The following RBFOX1 variants were observed in gnomAD, a reference collection of about 807,000 sequenced individuals.
The protein encoded by RBFOX1 is RNA binding protein fox-1 homolog 1.
RBFOX1 carries 8 observed loss-of-function variants against 57.7 expected under a neutral mutation model. The observed-to-expected ratio is 0.14, with a 90% CI of 0.08 to 0.25. RBFOX1 has a LOEUF of 0.25. Ranked by LOEUF, RBFOX1 falls within the 10% of genes least tolerant of loss-of-function variation. The pLI is 1.00. For synonymous variants in RBFOX1, 326 were observed against 222.4 expected (o/e 1.47, Z -4.15); for missense variants, 611 against 548.5 (o/e 1.11, Z -1.14).
At position 5,498,636 on chromosome 16, in the gene RBFOX1, C is replaced by T. The variant is rs116537312; in HGVS notation, c.258+31382C>T. Reference sequence around the variant, plus strand: ...GTTTAGGCAGGAGAAGATGATAGCTCAGGCTAGGCTGTTGGGAGAGAAGAT... The same window carrying T: ...GTTTAGGCAGGAGAAGATGATAGCTTAGGCTAGGCTGTTGGGAGAGAAGAT... On this transcript the variant is annotated intron_variant, in intron 2 of 2. Transcript: ENST00000585867. Among the ~76,000 whole-genome samples the T allele has an allele frequency of 4.0e-3, 614 of 152,286 alleles. 7 individuals carry two copies. The highest frequency in any genetic ancestry group is 0.013 in the African/African-American group (552 of 41,554).
chr16:5,873,640 C>A (rs543299428), intron 4 of RBFOX1, among the ~76,000 whole-genome samples: 1 of 152,288 alleles, frequency 6.6e-6, no homozygotes, highest in South Asian at 2.1e-4. Flanking sequence ...CACTATCATA[C>A]CCTCAAATAA....
At chr16:7,391,448 C>G (rs189185365) in intron 4 of RBFOX1, among the ~76,000 whole-genome samples, 6 of 152,324 alleles carry the variant, frequency 3.9e-5, no homozygotes, top group African/African-American at 1.4e-4. Flanking sequence ...CTATGATTTT[C>G]TCCACATCTG....
At chr16:6,748,479 A>G (rs1213871705) in intron 3 of RBFOX1, among the ~76,000 whole-genome samples, 1 of 152,092 alleles carries the variant, frequency 6.6e-6, no homozygotes, top group Non-Finnish European at 1.5e-5. Flanking sequence ...TGGGCAACAT[A>G]ACAAGATCCC....
chr16:7,200,192 T>C (rs2087970012), intron 4 of RBFOX1, among the ~76,000 whole-genome samples: 1 of 152,184 alleles, frequency 6.6e-6, no homozygotes, highest in Non-Finnish European at 1.5e-5. Context: ...TCCTAGGAAG[T>C]AGTGACTTTT....
rs75748270 is a variant in RBFOX1, at chr16:5,859,378, A to G, written c.319-7925A>G. On this transcript the variant is annotated intron_variant, in intron 3 of 19. Transcript: ENST00000641259. ...TTCTCAATCTCCAACTCTAAGCCAG[A>G]CGTTCCCATTGAATATACATAAAAC... 4.5e-3 allele frequency among the ~76,000 whole-genome samples: 684 copies of G among 152,326 alleles called. 1 individual carries two copies. Among genetic ancestry groups the G allele is most frequent in the Middle Eastern group, 0.014 (4 of 294 alleles).
At chr16:5,568,939 C>T (rs1341499398) in intron 2 of RBFOX1, among the ~76,000 whole-genome samples, 3 of 151,956 alleles carry the variant, frequency 2.0e-5, no homozygotes, top group African/African-American at 7.3e-5. Flanking sequence ...CCGCTGGGTT[C>T]AAGTGATTCT....
At chr16:7,582,551 C>T (rs981828701) in intron 6 of RBFOX1, among the ~76,000 whole-genome samples, 1 of 152,144 alleles carries the variant, frequency 6.6e-6, no homozygotes, top group African/African-American at 2.4e-5. Flanking sequence ...CATTTAGTGG[C>T]AGGAATCACA....
chr16:6,692,174 A>C (rs556675402), intron 3 of RBFOX1, among the ~76,000 whole-genome samples: 1 of 152,334 alleles, frequency 6.6e-6, no homozygotes, highest in African/African-American at 2.4e-5. Context: ...GACAAAACCA[A>C]GGTAACTATA....
intron 2 of RBFOX1, among the ~76,000 whole-genome samples, chr16:6,629,477 T>C (rs1307056215): frequency 6.6e-6 from 1 of 152,214 alleles, no homozygotes; most frequent in Non-Finnish European, 1.5e-5. Flanking sequence ...AATAGTTAAG[T>C]TGGGATCAGC....
At chr16:7,534,077 G>A (rs1601138465) in intron 5 of RBFOX1, among the ~76,000 whole-genome samples, 4 of 114,330 alleles carry the variant, frequency 3.5e-5, no homozygotes, top group Middle Eastern at 5.8e-3. Context: ...AGGTCCCAAC[G>A]TTTTTTTTCT....
intron 4 of RBFOX1, among the ~76,000 whole-genome samples, chr16:7,465,650 C>G (rs1302839427): frequency 6.6e-6 from 1 of 152,204 alleles, no homozygotes; most frequent in African/African-American, 2.4e-5. Flanking sequence ...CTAAAGCCCA[C>G]TCTTTACTGG....
At chr16:5,840,171 C>G (rs1440873939) in intron 3 of RBFOX1, among the ~76,000 whole-genome samples, 1 of 152,154 alleles carries the variant, frequency 6.6e-6, no homozygotes, top group Non-Finnish European at 1.5e-5. Context: ...AGAAAAAGAC[C>G]TGGACACTGA....
At chr16:5,449,467 C>G (rs1336763551) in intron 1 of RBFOX1, among the ~76,000 whole-genome samples, 4 of 152,198 alleles carry the variant, frequency 2.6e-5, no homozygotes, top group African/African-American at 9.7e-5. Flanking sequence ...ATATCAGACC[C>G]TAAACACTAC....
Position 6,019,950 on chromosome 16 carries a change from G to C in RBFOX1, c.-169G>C. On this transcript the variant is annotated 5_prime_UTR_variant, in exon 1 of 16. Coordinates refer to ENST00000550418, the MANE Select transcript of RBFOX1 (RefSeq NM_018723.4). The surrounding 1 kb of genome is among the most constrained non-coding windows in gnomAD (Gnocchi z 4.2). ...GAGCGCACGGGAATTCGGGGGTCTG[G>C]GGCCGAGAACGTGACCGCAGCCGGG... 1 of 1,533,216 alleles carries C rather than the reference G, an allele frequency of 6.5e-7. No individual in the cohort carries two copies. The highest frequency in any genetic ancestry group is 8.7e-7 in the Non-Finnish European group (1 of 1,145,202). The allele number at this position is 1,533,216 out of a possible 1,614,324, so 95.0% of individuals were successfully genotyped here.
intron 3 of RBFOX1, among the ~76,000 whole-genome samples, chr16:5,802,676 A>G (rs2055098646): frequency 6.6e-6 from 1 of 152,224 alleles, no homozygotes; most frequent in Non-Finnish European, 1.5e-5. Context: ...TATAGGGAAG[A>G]ACACGATAGC....
chr16:5,315,197 G>A (rs1452072519), intron 1 of RBFOX1, among the ~76,000 whole-genome samples: 6 of 152,216 alleles, frequency 3.9e-5, no homozygotes, highest in South Asian at 2.1e-4. Context: ...GCTCTGTACC[G>A]GAGGGAAGAT....
intron 4 of RBFOX1, among the ~76,000 whole-genome samples, chr16:7,320,521 T>C (rs758737785): frequency 1.9e-4 from 29 of 152,248 alleles, no homozygotes; most frequent in Admixed American, 1.3e-4. Context: ...CTATTGTGAT[T>C]AGTGCTGTAT....
At chr16:6,832,184 A>G (rs2092755016) in intron 3 of RBFOX1, among the ~76,000 whole-genome samples, 1 of 152,196 alleles carries the variant, frequency 6.6e-6, no homozygotes, top group African/African-American at 2.4e-5. Context: ...AAATGAATAC[A>G]CTGTATTTGT....
chr16:7,253,533 A>C (rs2094566263), intron 4 of RBFOX1, among the ~76,000 whole-genome samples: 1 of 152,104 alleles, frequency 6.6e-6, no homozygotes, highest in Non-Finnish European at 1.5e-5. Flanking sequence ...CATCTGCAAA[A>C]CATTAAATGC....
Sources: gnomAD v4.1 joint callset for allele counts (sites outside exome capture counted in the v4.1 genomes callset) on GRCh38, gnomAD v4.1.1 for gene constraint, Gnocchi (gnomAD v3.1) non-coding constraint, MANE v1.5 for transcripts, NCBI Gene and HGNC (gene_info 2026-07-23, HGNC 2026-07-21) for gene names.